The following GPAT3 variants were observed in gnomAD, a reference collection of about 807,000 sequenced individuals.
The protein encoded by GPAT3 is glycerol-3-phosphate acyltransferase 3.
GPAT3 carries 53 observed loss-of-function variants against 58.8 expected under a neutral mutation model. The observed-to-expected ratio is 0.90, with a 90% CI of 0.72 to 1.13. The LOEUF (loss-of-function observed/expected upper bound fraction) is 1.13, where lower values mean the gene tolerates loss of function less well. Ranked by LOEUF, GPAT3 falls within the 50% of genes most tolerant of loss-of-function variation. The pLI, the probability that GPAT3 is intolerant of heterozygous loss-of-function variation, is 0.00. For synonymous variants in GPAT3, 197 were observed against 187.4 expected, an observed-to-expected ratio of 1.05 and a Z score of -0.42; for missense variants, 511 against 527.6, an observed-to-expected ratio of 0.97 and a Z score of 0.31.
chr4:83,592,670 AGCTT>A (rs1726648809), intron 6 of GPAT3, among the ~76,000 whole-genome samples: 1 of 152,072 alleles, frequency 6.6e-6, no homozygotes, highest in South Asian at 2.1e-4. Context: ...AATGTTTTCA[AGCTT>A]ACAGAAAAGT....
chr4:83,577,022 A>G (rs1725845900), intron 2 of GPAT3, among the ~76,000 whole-genome samples: 1 of 152,234 alleles, frequency 6.6e-6, no homozygotes, highest in South Asian at 2.1e-4. Context: ...AAAGCCACAC[A>G]TCACCAGTCA....
chr4:83,546,615 C>A (rs1169951647), intron 2 of GPAT3, among the ~76,000 whole-genome samples: 2 of 152,068 alleles, frequency 1.3e-5, no homozygotes, highest in Non-Finnish European at 2.9e-5. Flanking sequence ...TTCAGAGTGT[C>A]TACCCTTCCT....
chr4:83,561,831 A>G (rs927232873), intron 2 of GPAT3, among the ~76,000 whole-genome samples: 1 of 150,242 alleles, frequency 6.7e-6, no homozygotes, highest in African/African-American at 2.5e-5. Flanking sequence ...GAGAGAGAGA[A>G]TTGCCTTGCC....
intron 1 of GPAT3, among the ~76,000 whole-genome samples, chr4:83,538,069 A>G (rs542946807): frequency 1.3e-5 from 2 of 152,298 alleles, no homozygotes; most frequent in African/African-American, 4.8e-5. Context: ...GGCATTCCAC[A>G]GTGCCTTCTA....
chr4:83,561,027 G>C (rs543158037), intron 2 of GPAT3, among the ~76,000 whole-genome samples: 1 of 152,318 alleles, frequency 6.6e-6, no homozygotes, highest in South Asian at 2.1e-4. Context: ...TTATAACAAT[G>C]TGAGAACAGA....
chr4:83,571,335 T>C (rs1725595879), intron 2 of GPAT3, among the ~76,000 whole-genome samples: 1 of 152,140 alleles, frequency 6.6e-6, no homozygotes, highest in Non-Finnish European at 1.5e-5. Flanking sequence ...TGAACTTTAT[T>C]AGAAACTGCT....
At chr4:83,571,422 A>C (rs1314954630) in intron 2 of GPAT3, among the ~76,000 whole-genome samples, 4 of 148,086 alleles carry the variant, frequency 2.7e-5, no homozygotes, top group African/African-American at 9.7e-5. Context: ...CATCTCCAGC[A>C]CTTGGTATTT....
rs5859878 is a variant in GPAT3, at chr4:83,562,196, T to TA, written c.208+17595dup. On this transcript the variant is annotated intron_variant, in intron 2 of 11. Transcript: ENST00000264409. ...TTTATATATTATATATATATATATA[T>TA]ATAATATATATATATTATATATATA... 2.0e-3 allele frequency among the ~76,000 whole-genome samples: 89 copies of TA among 44,650 alleles called. 1 individual carries two copies. The highest frequency in any genetic ancestry group is 2.7e-3 in the Non-Finnish European group (68 of 24,932). 29.3% of individuals were successfully genotyped at this position (44,650 alleles called of 152,430 possible).
At chr4:83,594,811 T>C (rs745767148) in intron 6 of GPAT3, 34 bp from the exon 7 acceptor site, 1 of 1,585,580 alleles carries the variant, frequency 6.3e-7, no homozygotes, top group South Asian at 1.1e-5. Context: ...AACGGTGCCT[T>C]TTACGTTTTT....
intron 2 of GPAT3, among the ~76,000 whole-genome samples, chr4:83,569,875 G>A (rs1216009519): frequency 2.0e-5 from 3 of 152,154 alleles, no homozygotes; most frequent in African/African-American, 4.8e-5. Flanking sequence ...AACTTTCTGG[G>A]AAGAATGATC....
Position 83,596,880 on chromosome 4 carries a change from A to G in GPAT3, c.877A>G (p.Lys293Glu). Residue 293 changes from lysine (K) to glutamate (E), a missense_variant, in exon 8 of 12, where the codon AAG (lysine) becomes GAG (glutamate). By Grantham distance (56) the Lys-to-Glu change is moderately conservative. Coordinates refer to ENST00000264409, the MANE Select transcript of GPAT3 (RefSeq NM_032717.5). The stretch of plus-strand genomic sequence containing the variant: ...TAGACTAAAAGAACATATTGCTGAT[A>G]AGAAGAAACTACCCATACTAATTTT... Reference protein sequence around the residue: ...TKRLKEHIADKKKLPILIFPE... With the variant: ...TKRLKEHIADEKKLPILIFPE... 5 of 1,602,418 alleles carry G rather than the reference A, an allele frequency of 3.1e-6. No homozygotes were observed. The highest frequency in any genetic ancestry group is 4.2e-6 in the Non-Finnish European group (5 of 1,177,270).
chr4:83,560,517 C>T (rs1227084129), intron 2 of GPAT3, among the ~76,000 whole-genome samples: 1 of 152,064 alleles, frequency 6.6e-6, no homozygotes, highest in Non-Finnish European at 1.5e-5. Flanking sequence ...CATGAGGATG[C>T]AGGGGATACT....
At chr4:83,561,318 C>T (rs1411993012) in intron 2 of GPAT3, among the ~76,000 whole-genome samples, 2 of 152,012 alleles carry the variant, frequency 1.3e-5, no homozygotes, top group East Asian at 1.9e-4. Flanking sequence ...GGCTATATAA[C>T]ATGCTTGGTA....
chr4:83,565,271 T>C (rs1725338878), intron 2 of GPAT3, among the ~76,000 whole-genome samples: 1 of 151,740 alleles, frequency 6.6e-6, no homozygotes, highest in South Asian at 2.1e-4. Flanking sequence ...TGGCTAATTT[T>C]TGTATTTTTA....
chr4:83,576,082 T>C (rs996195299), intron 2 of GPAT3, among the ~76,000 whole-genome samples: 1 of 152,262 alleles, frequency 6.6e-6, no homozygotes, highest in African/African-American at 2.4e-5. Context: ...ATAAAAATGT[T>C]GTGTTCCACA....
At chr4:83,580,952 C>T (rs544502643) in intron 2 of GPAT3, among the ~76,000 whole-genome samples, 103 of 151,834 alleles carry the variant, frequency 6.8e-4, no homozygotes, top group Non-Finnish European at 1.2e-3. Flanking sequence ...AAAAATTAGC[C>T]GACTGTGGTG....
chr4:83,598,259 C>A (rs983967370), intron 10 of GPAT3, 80 bp downstream of exon 10: 20 of 1,546,402 alleles, frequency 1.3e-5, no homozygotes, highest in Non-Finnish European at 1.6e-5. Context: ...CTCCCTTCTC[C>A]ATGTCATGCT....
At chr4:83,535,926 T>A (rs1325060044), upstream of GPAT3, 1 of 985,384 alleles carries the variant, frequency 1.0e-6, no homozygotes, top group African/African-American at 1.7e-5. Flanking sequence ...ATGAAAACTC[T>A]CCTCCTGAAA....
In GPAT3 at chr4:83,536,136, C is replaced by A. The variant is rs1231600783; in HGVS notation, c.-487C>A. Reference sequence around the variant, plus strand: ...TTCCAGCACAGCCCGCGGCCCGGTGCCAGCTCCGCCGGCGACCGGTGTGCC... The same window carrying A: ...TTCCAGCACAGCCCGCGGCCCGGTGACAGCTCCGCCGGCGACCGGTGTGCC... On this transcript the variant is annotated 5_prime_UTR_variant, in exon 1 of 12. Coordinates refer to ENST00000264409, the MANE Select transcript of GPAT3 (RefSeq NM_032717.5). The A allele has an allele frequency of 6.1e-6, 6 of 985,716 alleles. No homozygotes were observed. In the African/African-American group the frequency reaches 1.0e-4, roughly 17 times the overall value. 61.1% of individuals were successfully genotyped at this position (985,716 alleles called of 1,614,324 possible).
Sources: gnomAD v4.1 joint callset for allele counts (sites outside exome capture counted in the v4.1 genomes callset) on GRCh38, gnomAD v4.1.1 for gene constraint, MANE v1.5 for transcripts, NCBI Gene and HGNC (gene_info 2026-07-23, HGNC 2026-07-21) for gene names.